SLIT1: variants seen among roughly 807,000 people sequenced by gnomAD.
SLIT1 encodes the protein slit homolog 1 protein.
In SLIT1, 66 loss-of-function variants were observed where a neutral mutation model predicts 186.1. The observed-to-expected ratio is 0.35, with a 90% CI of 0.29 to 0.44. SLIT1 has a LOEUF of 0.44. Among genes scored for constraint, SLIT1 ranks in the 20% least tolerant of loss-of-function variants. The probability of loss-of-function intolerance (pLI) is 1.00; values close to 1 mark genes in which losing one functional copy is unlikely to be tolerated. For missense variants in SLIT1, 1,638 were observed against 2,037.4 expected (o/e 0.80, Z 3.77); for synonymous variants, 761 against 833.8 (o/e 0.91, Z 1.50).
intron 4 of SLIT1, among the ~76,000 whole-genome samples, chr10:97,141,736 T>TGTATTGTATTGTATC (rs1849765554): frequency 7.8e-6 from 1 of 127,402 alleles, no homozygotes; most frequent in African/African-American, 3.2e-5. Flanking sequence ...TGTACTGTAT[T>TGTATTGTATTGTATC]GTATCGTATC....
At chr10:97,104,993 G>T (rs1261371608) in intron 4 of SLIT1, among the ~76,000 whole-genome samples, 1 of 151,822 alleles carries the variant, frequency 6.6e-6, no homozygotes, top group Non-Finnish European at 1.5e-5. Flanking sequence ...CTTAGCCCCG[G>T]TGCTGAGTAG....
chr10:97,124,787 GA>G (rs1849590172), intron 4 of SLIT1, among the ~76,000 whole-genome samples: 1 of 152,180 alleles, frequency 6.6e-6, no homozygotes. Context: ...ACTAAACCAG[GA>G]GAGGGAAAAT....
intron 26 of SLIT1, 119 bp from the exon 27 acceptor site, chr10:97,019,226 C>T (rs993291398): frequency 1.5e-6 from 1 of 669,002 alleles, no homozygotes; most frequent in Non-Finnish European, 2.7e-6. Context: ...CTGATTTTTC[C>T]CCAGATCGTG....
At chr10:97,142,523 G>A (rs896278014) in intron 4 of SLIT1, among the ~76,000 whole-genome samples, 2 of 152,118 alleles carry the variant, frequency 1.3e-5, no homozygotes, top group East Asian at 3.8e-4. Flanking sequence ...ACACCTAAAA[G>A]AAAACATAAG....
intron 4 of SLIT1, among the ~76,000 whole-genome samples, chr10:97,140,444 A>T (rs1254245881): frequency 6.6e-6 from 1 of 152,294 alleles, no homozygotes; most frequent in East Asian, 1.9e-4. Flanking sequence ...TAGTAAAACA[A>T]ACCCGCCAAA....
At chr10:97,100,346 G>A (rs965368702) in intron 4 of SLIT1, among the ~76,000 whole-genome samples, 2 of 152,130 alleles carry the variant, frequency 1.3e-5, no homozygotes, top group Admixed American at 6.5e-5. Context: ...ATTTTTGGCC[G>A]GGTGCAGTGG....
chr10:97,046,817 G>T lies in SLIT1; in HGVS notation c.1710-20C>A. ...AGATTGCTGGGAGAAGAGGCGGGGGGAGGATTACATATGGCCAGCAGCCAG... is the reference window on the plus strand; with the variant it reads ...AGATTGCTGGGAGAAGAGGCGGGGGTAGGATTACATATGGCCAGCAGCCAG... On this transcript the variant is annotated intron_variant, in intron 17 of 36. Coordinates refer to ENST00000266058, the MANE Select transcript of SLIT1 (RefSeq NM_003061.3). The T allele has an allele frequency of 6.2e-7, 1 of 1,609,266 alleles. No homozygotes were observed.
At chr10:97,127,619 C>T (rs1849616329) in intron 4 of SLIT1, among the ~76,000 whole-genome samples, 1 of 152,236 alleles carries the variant, frequency 6.6e-6, no homozygotes, top group African/African-American at 2.4e-5. Flanking sequence ...CAAGACCTCA[C>T]CTCTATGTGT....
chr10:97,125,639 G>A (rs543238401), intron 4 of SLIT1, among the ~76,000 whole-genome samples: 1 of 151,928 alleles, frequency 6.6e-6, no homozygotes, highest in Non-Finnish European at 1.5e-5. Flanking sequence ...AGGAGTTAGA[G>A]ACCAGCCTGG....
chr10:97,134,831 C>T (rs538601364), intron 4 of SLIT1, among the ~76,000 whole-genome samples: 19 of 152,280 alleles, frequency 1.2e-4, no homozygotes, highest in East Asian at 7.7e-4. Context: ...GAGATGAGGA[C>T]GCGGGCTTTG....
chr10:97,129,361 C>T (rs1387579245), intron 4 of SLIT1, among the ~76,000 whole-genome samples: 1 of 147,522 alleles, frequency 6.8e-6, no homozygotes, highest in Non-Finnish European at 1.5e-5. Flanking sequence ...GAGGTCATGC[C>T]ACTGACAGCA....
chr10:97,055,944 G>A (rs755772267), intron 13 of SLIT1, among the ~76,000 whole-genome samples: 5 of 152,120 alleles, frequency 3.3e-5, no homozygotes, highest in African/African-American at 4.8e-5. Flanking sequence ...TAGAATCAGC[G>A]CGATATATTA....
intron 4 of SLIT1, among the ~76,000 whole-genome samples, chr10:97,066,295 C>T (rs1455557445): frequency 6.6e-6 from 1 of 152,186 alleles, no homozygotes; most frequent in African/African-American, 2.4e-5. Context: ...TGGAGAGACA[C>T]ACCATGTCCT....
chr10:97,128,283 G>T (rs1384320482), intron 4 of SLIT1, among the ~76,000 whole-genome samples: 1 of 152,156 alleles, frequency 6.6e-6, no homozygotes, highest in Admixed American at 6.5e-5. Context: ...CATCACATTT[G>T]AGACACAAAC....
chr10:97,065,137 TACACACACAC>T (rs55991572), intron 5 of SLIT1, among the ~76,000 whole-genome samples: 69 of 150,830 alleles, frequency 4.6e-4, no homozygotes, highest in Admixed American at 1.1e-3. Context: ...GGCACCCCCC[TACACACACAC>T]ACACACACAC....
chr10:97,004,941 T>C lies in SLIT1; in HGVS notation c.3580-118A>G. ...GAGAGATGCTCTGTGCAGAGCGCTC[T>C]TCCCCCACCTGGCCAGCCTCCCCAA... On this transcript the variant is annotated intron_variant, in intron 32 of 36. Transcript: ENST00000266058. This position sits in a 1 kb window ranked among gnomAD's most constrained non-coding sequence, Gnocchi z 5.1. 3 of 1,219,852 alleles carry C rather than the reference T, an allele frequency of 2.5e-6. No homozygotes were observed. The South Asian group carries it at 4.3e-5, about 17-fold the overall frequency. 75.6% of individuals were successfully genotyped at this position (1,219,852 alleles called of 1,614,324 possible). A position where few individuals can be genotyped will look rare whatever the true frequency, so the allele number is the denominator to read the frequency against.
At chr10:97,079,372 T>C (rs1287694002) in intron 4 of SLIT1, among the ~76,000 whole-genome samples, 1 of 152,190 alleles carries the variant, frequency 6.6e-6, no homozygotes, top group East Asian at 1.9e-4. Context: ...GTGTGTTCAC[T>C]TTGAGAAAAT....
intron 4 of SLIT1, among the ~76,000 whole-genome samples, chr10:97,149,788 G>A (rs931520203): frequency 2.0e-5 from 3 of 152,110 alleles, no homozygotes; most frequent in Non-Finnish European, 2.9e-5. Flanking sequence ...TGAGACTTCC[G>A]CAAGTTACTT....
At chr10:97,143,544 G>A (rs1849786412) in intron 4 of SLIT1, among the ~76,000 whole-genome samples, 2 of 152,210 alleles carry the variant, frequency 1.3e-5, no homozygotes, top group South Asian at 4.1e-4. Context: ...TAACATGAAT[G>A]TGAACATATT....
Sources: allele counts gnomAD v4.1 joint callset (sites outside exome capture counted in the v4.1 genomes callset), GRCh38; gene constraint gnomAD v4.1.1; non-coding constraint Gnocchi (gnomAD v3.1); transcripts MANE v1.5; gene names NCBI Gene and HGNC (gene_info 2026-07-23, HGNC 2026-07-21).